Variants in PRSS12 observed in about 807,000 individuals in gnomAD.
The protein encoded by PRSS12 is neurotrypsin.
PRSS12 carries 85 observed loss-of-function variants against 104.4 expected under a neutral mutation model. The ratio of observed to expected loss-of-function variants is 0.81; its 90% confidence interval spans 0.68 to 0.98. The LOEUF (loss-of-function observed/expected upper bound fraction) is 0.98, where lower values mean the gene tolerates loss of function less well. Ranked by LOEUF, PRSS12 falls within the 50% of genes least tolerant of loss-of-function variation. The pLI is 0.00. For missense variants in PRSS12, 1,141 were observed against 1,139.2 expected (o/e 1.00, Z -0.02); for synonymous variants, 454 against 425.2 (o/e 1.07, Z -0.83).
chr4:118,289,225 T>A (rs1227758752), intron 11 of PRSS12, among the ~76,000 whole-genome samples: 2 of 152,080 alleles, frequency 1.3e-5, no homozygotes, highest in African/African-American at 4.8e-5. Context: ...CAAATAAACA[T>A]AAAAAGTTCT....
At chr4:118,283,502 A>G (rs1390571782) in intron 11 of PRSS12, among the ~76,000 whole-genome samples, 1 of 152,222 alleles carries the variant, frequency 6.6e-6, no homozygotes, top group Non-Finnish European at 1.5e-5. Flanking sequence ...GGCAGAAACT[A>G]ACTTTGTGTC....
rs1724555627 is a variant in PRSS12 at position 118,352,713 on chromosome 4, A to G, written c.8T>C (p.Leu3Pro). 6.2e-7 allele frequency: 1 copy of G among 1,609,986 alleles called. No homozygotes were observed. The highest frequency in any genetic ancestry group is 8.5e-7 in the Non-Finnish European group (1 of 1,177,652). MT[L>P]ARFVLALMLG... ...CATCAGGGCTAGCACGAAGCGGGCG[A>G]GCGTCATGGTGCCAGCGCTGCGGGG... is the stretch of plus-strand genomic sequence containing the variant. The change falls in exon 1 of 13, where the codon CTC becomes CCC. Residue 3 changes from leucine to proline, a missense_variant. Transcript: ENST00000296498.
chr4:118,327,118 T>TG (rs1220197835), intron 4 of PRSS12, among the ~76,000 whole-genome samples: 14 of 152,328 alleles, frequency 9.2e-5, no homozygotes, highest in African/African-American at 3.1e-4. Flanking sequence ...ACAATGTTTT[T>TG]TAAAATTTAA....
intron 1 of PRSS12, among the ~76,000 whole-genome samples, chr4:118,351,951 A>T (rs1724516619): frequency 6.6e-6 from 1 of 152,154 alleles, no homozygotes; most frequent in South Asian, 2.1e-4. Context: ...GCCAGAGGAC[A>T]GAGCAAATTC....
chr4:118,321,466 C>G (rs915769053), intron 4 of PRSS12, among the ~76,000 whole-genome samples: 5 of 152,168 alleles, frequency 3.3e-5, no homozygotes, highest in African/African-American at 4.8e-5. Context: ...CTTCAACAAG[C>G]TGGGCTACCT....
At chr4:118,325,533 A>G (rs529147923) in intron 4 of PRSS12, among the ~76,000 whole-genome samples, 1 of 152,270 alleles carries the variant, frequency 6.6e-6, no homozygotes, top group African/African-American at 2.4e-5. Flanking sequence ...GTTTAAGTTA[A>G]GAAAACAGTA....
chr4:118,325,270 A>G (rs1007196240), intron 4 of PRSS12, among the ~76,000 whole-genome samples: 3 of 151,286 alleles, frequency 2.0e-5, no homozygotes, highest in African/African-American at 7.3e-5. Flanking sequence ...AAAACTACCT[A>G]TGGGTACTAT....
chr4:118,346,897 C>G (rs1485620976), intron 1 of PRSS12, among the ~76,000 whole-genome samples: 4 of 152,194 alleles, frequency 2.6e-5, no homozygotes, highest in Admixed American at 2.0e-4. Context: ...TTCCACAGAA[C>G]TGGTCCCTGG....
Position 118,308,469 on chromosome 4 carries a change from T to C in PRSS12, c.1598A>G (p.Asp533Gly). Reference sequence around the variant, plus strand: ...AAGCTGACGACAGATCACAGCTGCATCCTTATCAGTCCATCCATCATCACA... The same window carrying C: ...AAGCTGACGACAGATCACAGCTGCACCCTTATCAGTCCATCCATCATCACA... The part of the protein sequence containing the change: ...TICDDGWTDK[D>G]AAVICRQLGY... Residue 533 changes from aspartate (D) to glycine (G), a missense_variant, in exon 8 of 13, where the codon GAT becomes GGT. Physicochemically the swap from Asp to Gly is moderately conservative, Grantham distance 94. Coordinates refer to ENST00000296498, the MANE Select transcript of PRSS12 (RefSeq NM_003619.4). The C allele has an allele frequency of 4.3e-6, 7 of 1,614,112 alleles. No individual in the cohort carries two copies. The highest frequency in any genetic ancestry group is 5.9e-6 in the Non-Finnish European group (7 of 1,179,982).
chr4:118,322,663 C>G (rs1365707922), intron 4 of PRSS12, among the ~76,000 whole-genome samples: 1 of 151,718 alleles, frequency 6.6e-6, no homozygotes, highest in African/African-American at 2.4e-5. Context: ...GGGATGGAGG[C>G]TGAGTTACTG....
intron 7 of PRSS12, 78 bp downstream of exon 7, chr4:118,313,123 C>T: frequency 1.3e-6 from 2 of 1,544,012 alleles, no homozygotes; most frequent in East Asian, 4.7e-5. Flanking sequence ...ATGAGAAACA[C>T]TTCATATTCA....
intron 1 of PRSS12, among the ~76,000 whole-genome samples, chr4:118,351,025 G>GC (rs1724487081): frequency 6.6e-6 from 1 of 152,092 alleles, no homozygotes; most frequent in South Asian, 2.1e-4. Flanking sequence ...AGCTACATTG[G>GC]CATTCTGTTC....
chr4:118,335,539 CT>C lies in PRSS12; in HGVS notation c.753del (p.Asp252ThrfsTer65). 1 of 1,614,028 alleles carries C rather than the reference CT, an allele frequency of 6.2e-7. No individual in the cohort carries two copies. The highest frequency in any genetic ancestry group is 8.5e-7 in the Non-Finnish European group (1 of 1,179,960). On this transcript the variant is annotated frameshift_variant, in exon 3 of 13. Transcript: ENST00000296498. LOFTEE classifies it high-confidence loss of function. Reference protein sequence around the residue: ...GDEENILLCEKDIWQGGVCPQ... With the variant: ...GDEENILLCEXDIWQGGVCPQ... The stretch of plus-strand genomic sequence containing the variant: ...GGACACACCCCACCCTGCCAGATGT[CT>C]TTTTCACAAAGCAGTATATTTTCTT...
At chr4:118,317,750 C>T (rs2126035484) in intron 5 of PRSS12, among the ~76,000 whole-genome samples, 1 of 152,292 alleles carries the variant, frequency 6.6e-6, no homozygotes, top group South Asian at 2.1e-4. Context: ...GTAAACAAAA[C>T]ATTTTTTTCT....
intron 1 of PRSS12, among the ~76,000 whole-genome samples, chr4:118,350,123 G>A (rs1386435260): frequency 6.6e-6 from 1 of 152,176 alleles, no homozygotes; most frequent in Non-Finnish European, 1.5e-5. Flanking sequence ...ATCAGGCCAG[G>A]TTGTTTTGCG....
intron 5 of PRSS12, among the ~76,000 whole-genome samples, chr4:118,316,832 A>AG (rs1723435154): frequency 8.2e-6 from 1 of 121,710 alleles, no homozygotes; most frequent in Non-Finnish European, 1.8e-5. Flanking sequence ...ACGGAAAAAA[A>AG]AAAAAATATA....
intron 4 of PRSS12, among the ~76,000 whole-genome samples, chr4:118,330,049 T>C (rs1042948195): frequency 6.6e-6 from 1 of 152,192 alleles, no homozygotes; most frequent in African/African-American, 2.4e-5. Flanking sequence ...AAAATGATCA[T>C]ACCATCGTAA....
chr4:118,300,392 T>G (rs1405176882), intron 8 of PRSS12, among the ~76,000 whole-genome samples: 1 of 152,222 alleles, frequency 6.6e-6, no homozygotes, highest in Non-Finnish European at 1.5e-5. Flanking sequence ...TTTATTAATT[T>G]TTTGTTTAAT....
chr4:118,324,995 G>A (rs1723732835), intron 4 of PRSS12, among the ~76,000 whole-genome samples: 1 of 152,012 alleles, frequency 6.6e-6, no homozygotes, highest in Non-Finnish European at 1.5e-5. Flanking sequence ...GAGCCACCAC[G>A]CCCAGCCCAG....
Sources: gnomAD v4.1 joint callset for allele counts (sites outside exome capture counted in the v4.1 genomes callset) on GRCh38, gnomAD v4.1.1 for gene constraint, MANE v1.5 for transcripts, NCBI Gene and HGNC (gene_info 2026-07-23, HGNC 2026-07-21) for gene names.